Variants in ZBTB45 observed in about 807,000 individuals in gnomAD.
ZBTB45 encodes zinc finger and BTB domain-containing protein 45.
ZBTB45 carries 22 observed loss-of-function variants against 28.4 expected under a neutral mutation model. That is an observed-to-expected ratio of 0.77 (90% CI 0.55 to 1.10). ZBTB45 has a LOEUF of 1.10. Among genes scored for constraint, ZBTB45 ranks in the 50% least tolerant of loss-of-function variants. The probability of loss-of-function intolerance (pLI) is 0.00; values close to 1 mark genes in which losing one functional copy is unlikely to be tolerated. For synonymous variants in ZBTB45, 361 were observed against 332.3 expected, an observed-to-expected ratio of 1.09 and a Z score of -0.94; for missense variants, 656 against 750.2, an observed-to-expected ratio of 0.87 and a Z score of 1.47.
upstream of ZBTB45, among the ~76,000 whole-genome samples, chr19:58,524,712 T>C (rs1457345080): frequency 1.3e-5 from 2 of 151,484 alleles, no homozygotes; most frequent in African/African-American, 4.9e-5. Context: ...TGAAACCCCA[T>C]CTCTACTAAA....
intron 1 of ZBTB45, among the ~76,000 whole-genome samples, chr19:58,531,804 G>C (rs1434680418): frequency 6.6e-6 from 1 of 152,154 alleles, no homozygotes; most frequent in Non-Finnish European, 1.5e-5. Flanking sequence ...TGATGCTCCA[G>C]CTGTTTGATC....
chr19:58,530,393 C>T (rs529217944), intron 1 of ZBTB45, among the ~76,000 whole-genome samples: 19 of 152,180 alleles, frequency 1.2e-4, no homozygotes, highest in Middle Eastern at 3.4e-3. Flanking sequence ...CCACAACCTC[C>T]GCCTCCAGAG....
rs1277278734 is a variant in ZBTB45, at chr19:58,517,156, T to G, written c.518A>C (p.Gln173Pro). Residue 173 changes from glutamine to proline, a missense_variant, in exon 2 of 3, where the codon CAG becomes CCG. By Grantham distance (76) the Gln-to-Pro change is moderately conservative. Transcript: ENST00000594051. ...GHPGAAHSRKQRQPARLQLPA... is the reference protein window; with the variant it reads ...GHPGAAHSRKPRQPARLQLPA... ...CAGCTGCAAACGCGCGGGCTGGCGC[T>G]GCTTACGGCTGTGTGCAGCACCGGG... The G allele has an allele frequency of 1.2e-6, 2 of 1,611,298 alleles. No homozygotes were observed. Among genetic ancestry groups the G allele is most frequent in the Non-Finnish European group, 1.7e-6 (2 of 1,179,140 alleles).
chr19:58,529,496 C>T (rs536180483), intron 1 of ZBTB45, among the ~76,000 whole-genome samples: 63 of 152,322 alleles, frequency 4.1e-4, no homozygotes, highest in African/African-American at 1.5e-3. Flanking sequence ...CAACCACCTC[C>T]TCCATCTAGG....
At position 58,516,637 on chromosome 19, in the gene ZBTB45, G is replaced by A. The variant is rs776327539; in HGVS notation, c.1037C>T (p.Pro346Leu). 2.6e-6 allele frequency: 4 copies of A among 1,562,306 alleles called. No homozygotes were observed. Among genetic ancestry groups the A allele is most frequent in the South Asian group, 2.4e-5 (2 of 82,372 alleles). The change falls in exon 2 of 3, where the codon CCT (proline) becomes CTT (leucine). Residue 346 changes from proline to leucine, a missense_variant. By Grantham distance (98) the Pro-to-Leu change is moderately conservative. This residue lies in a region of ZBTB45 where 448 missense variants were observed against 444.3 expected (regional missense o/e 1.01). Transcript: ENST00000594051. This position sits in a 1 kb window ranked among gnomAD's most constrained non-coding sequence, Gnocchi z 6.2. The part of the protein sequence containing the change: ...LGAPGPPAPP[P>L]SAPSGPAPAP... ...AGGGGCTGGCCCCGATGGTGCTGAA[G>A]GGGGTGGTGCGGGTGGCCCAGGGGC...
chr19:58,522,460 C>CCTGT (rs1054887665), upstream of ZBTB45, among the ~76,000 whole-genome samples: 1 of 152,048 alleles, frequency 6.6e-6, no homozygotes, highest in Non-Finnish European at 1.5e-5. Context: ...CTGTGCCCGG[C>CCTGT]CTGTCCCTAC....
chr19:58,518,963 CA>C (rs1283835110), intron 1 of ZBTB45: 2 of 152,588 alleles, frequency 1.3e-5, no homozygotes, highest in African/African-American at 4.8e-5. Context: ...TTTGCTCAGC[CA>C]GACGCCTCCC....
chr19:58,517,799 C>A, intron 1 of ZBTB45, 126 bp from the exon 2 acceptor site: 1 of 775,420 alleles, frequency 1.3e-6, no homozygotes, highest in Admixed American at 2.6e-5. Flanking sequence ...GGCGCGCTAA[C>A]CCATCCCTCC....
rs375864919 is a variant in ZBTB45 at position 58,513,995 on chromosome 19, G to A, written c.*59C>T. ...GGGAACCACGGGTCCCGCAGCGGGC[G>A]TGGCCGACTGTGCGGGAGGCCCCGG... On this transcript the variant is annotated 3_prime_UTR_variant, in exon 3 of 3. Transcript: ENST00000594051. The A allele has an allele frequency of 5.9e-6, 8 of 1,352,974 alleles. No individual in the cohort carries two copies. In the African/African-American group the frequency reaches 7.7e-5, roughly 13 times the overall value. The allele number at this position is 1,352,974 out of a possible 1,614,324, so 83.8% of individuals were successfully genotyped here.
At chr19:58,523,479 G>A (rs1340279327), upstream of ZBTB45, among the ~76,000 whole-genome samples, 6 of 151,720 alleles carry the variant, frequency 4.0e-5, no homozygotes, top group East Asian at 2.0e-4. Context: ...TCAGGAGTTC[G>A]AGACCAGCCT....
upstream of ZBTB45, among the ~76,000 whole-genome samples, chr19:58,523,130 C>G (rs1251701576): frequency 2.0e-5 from 3 of 152,052 alleles, no homozygotes; most frequent in African/African-American, 7.2e-5. Flanking sequence ...TGCCCAAGGG[C>G]TAGGATGAAC....
At chr19:58,533,174 G>A (rs1186534025) in intron 1 of ZBTB45, among the ~76,000 whole-genome samples, 2 of 152,202 alleles carry the variant, frequency 1.3e-5, no homozygotes, top group African/African-American at 2.4e-5. Context: ...GTTTCACCAT[G>A]TTGGCCAGGC....
At chr19:58,537,833 A>G (rs565003795) in intron 1 of ZBTB45, among the ~76,000 whole-genome samples, 1 of 148,896 alleles carries the variant, frequency 6.7e-6, no homozygotes, top group South Asian at 2.1e-4. Flanking sequence ...GTGCTCATCA[A>G]ATATTCCTTT....
At chr19:58,525,525 G>A (rs1449913524) in intron 1 of ZBTB45, among the ~76,000 whole-genome samples, 3 of 152,186 alleles carry the variant, frequency 2.0e-5, no homozygotes, top group African/African-American at 7.2e-5. Flanking sequence ...AGGATCCCCT[G>A]TATACTCCAG....
chr19:58,532,867 G>T (rs759010209), intron 1 of ZBTB45, among the ~76,000 whole-genome samples: 1 of 149,940 alleles, frequency 6.7e-6, no homozygotes, highest in Non-Finnish European at 1.5e-5. Flanking sequence ...AAAAAGTCTC[G>T]CTCTGTCACC....
chr19:58,535,712 A>T (rs2053656532), intron 1 of ZBTB45, among the ~76,000 whole-genome samples: 1 of 152,220 alleles, frequency 6.6e-6, no homozygotes, highest in Non-Finnish European at 1.5e-5. Context: ...CAAAATTTTT[A>T]AAGTAATAGA....
Position 58,514,207 on chromosome 19 carries a change from G to T in ZBTB45, c.1383C>A (p.Cys461Ter). 6.2e-7 allele frequency: 1 copy of T among 1,612,588 alleles called. No homozygotes were observed. Among genetic ancestry groups the T allele is most frequent in the African/African-American group, 1.3e-5 (1 of 75,022 alleles). The change falls in exon 3 of 3, where the codon TGC (cysteine) becomes TGA (stop). Residue 461 changes from cysteine to a stop codon, truncating the protein, a stop_gained. Coordinates refer to ENST00000594051, the MANE Select transcript of ZBTB45 (RefSeq NM_001316979.2). LOFTEE classifies it high-confidence loss of function. ...GCGTGAAGCGCTTGGCGCAGACGGC[G>T]CACTGGAAGGCGCGCACGCCGGTGT... Reference protein sequence around the residue: ...VTHTGVRAFQCAVCAKRFTQK... With the variant: ...VTHTGVRAFQ
rs1249190560 is a variant in ZBTB45 at position 58,514,440 on chromosome 19, G to C, written c.1280-130C>G. On this transcript the variant is annotated intron_variant, in intron 2 of 2. Transcript: ENST00000594051. ...CTCCCCTCCCGAACCACCACCCCGG[G>C]ATCCCTTGCCTATCAGAGAACCCTC... 9 of 1,195,146 alleles carry C rather than the reference G, an allele frequency of 7.5e-6. No individual in the cohort carries two copies. The Admixed American group carries it at 1.6e-4, about 21-fold the overall frequency. The allele number at this position is 1,195,146 out of a possible 1,614,324, so 74.0% of individuals were successfully genotyped here. A position where few individuals can be genotyped will look rare whatever the true frequency, so the allele number is the denominator to read the frequency against.
At chr19:58,520,461 C>T (rs2053568177), upstream of ZBTB45, among the ~76,000 whole-genome samples, 1 of 151,918 alleles carries the variant, frequency 6.6e-6, no homozygotes, top group South Asian at 2.1e-4. Context: ...GCCCAAATCC[C>T]CAGAACCTGT....
Sources: gnomAD v4.1 joint callset for allele counts (sites outside exome capture counted in the v4.1 genomes callset) on GRCh38, gnomAD v4.1.1 for gene constraint, gnomAD v4.1.1 regional missense constraint, Gnocchi (gnomAD v3.1) non-coding constraint, MANE v1.5 for transcripts, NCBI Gene and HGNC (gene_info 2026-07-23, HGNC 2026-07-21) for gene names.